The following RBFOX1 variants were observed in gnomAD, a reference collection of about 807,000 sequenced individuals.
The protein encoded by RBFOX1 is RNA binding fox-1 homolog 1.
A neutral mutation model predicts 57.7 loss-of-function variants in RBFOX1; 8 were observed. The ratio of observed to expected loss-of-function variants is 0.14; its 90% CI spans 0.08 to 0.25. The LOEUF is 0.25. Among genes scored for constraint, RBFOX1 ranks in the 10% least tolerant of loss-of-function variants. The probability of loss-of-function intolerance (pLI) is 1.00; values close to 1 mark genes in which losing one functional copy is unlikely to be tolerated. For missense variants in RBFOX1, 611 were observed against 548.5 expected (o/e 1.11, Z -1.14); for synonymous variants, 326 against 222.4 (o/e 1.47, Z -4.15).
intron 3 of RBFOX1, among the ~76,000 whole-genome samples, chr16:5,780,021 C>G (rs143485931): frequency 1.3e-5 from 2 of 152,300 alleles, no homozygotes; most frequent in African/African-American, 2.4e-5. Context: ...TTGTTATTTT[C>G]AAGACGGAGT....
At chr16:7,403,196 C>T (rs1204898751) in intron 4 of RBFOX1, among the ~76,000 whole-genome samples, 3 of 152,092 alleles carry the variant, frequency 2.0e-5, no homozygotes, top group Non-Finnish European at 4.4e-5. Flanking sequence ...ACTCTGAATC[C>T]AGTGAAGGTA....
chr16:7,659,287 A>G (rs1212674480), intron 12 of RBFOX1, among the ~76,000 whole-genome samples: 1 of 152,232 alleles, frequency 6.6e-6, no homozygotes, highest in Non-Finnish European at 1.5e-5. Context: ...AAATGTTTTC[A>G]CGTTAAGTCC....
intron 1 of RBFOX1, among the ~76,000 whole-genome samples, chr16:6,066,075 C>T (rs913660519): frequency 8.6e-5 from 13 of 152,016 alleles, no homozygotes; most frequent in African/African-American, 2.9e-4. Context: ...GAGGGTGGAT[C>T]ATGAGGTTAG....
At chr16:6,748,170 G>T (rs2074168815) in intron 3 of RBFOX1, among the ~76,000 whole-genome samples, 1 of 151,888 alleles carries the variant, frequency 6.6e-6, no homozygotes. Flanking sequence ...CATCTCGTTA[G>T]GCAATAAATG....
intron 3 of RBFOX1, among the ~76,000 whole-genome samples, chr16:6,719,868 G>A (rs928005636): frequency 2.6e-5 from 4 of 151,874 alleles, no homozygotes; most frequent in East Asian, 2.0e-4. Context: ...CTGGGCGGGC[G>A]GATCACCTGA....
At chr16:5,302,290 A>G (rs1464062889) in intron 1 of RBFOX1, among the ~76,000 whole-genome samples, 1 of 152,186 alleles carries the variant, frequency 6.6e-6, no homozygotes, top group African/African-American at 2.4e-5. Flanking sequence ...GTTGTCAGAG[A>G]AATCATTTTT....
intron 1 of RBFOX1, among the ~76,000 whole-genome samples, chr16:6,025,216 C>A (rs2095166349): frequency 1.3e-5 from 2 of 152,204 alleles, no homozygotes; most frequent in African/African-American, 2.4e-5. Flanking sequence ...AGTTTCAATT[C>A]ATTTCTATGA....
chr16:7,507,809 C>A (rs1344989007), intron 4 of RBFOX1, among the ~76,000 whole-genome samples: 3 of 151,970 alleles, frequency 2.0e-5, no homozygotes, highest in African/African-American at 7.2e-5. Context: ...GTGATCCGCC[C>A]GCCTCGGTCT....
In RBFOX1 at chr16:5,342,017, A is replaced by G. The variant is rs185240306; in HGVS notation, c.219+101912A>G. On this transcript the variant is annotated intron_variant, in intron 1 of 2. Transcript: ENST00000585867. The stretch of plus-strand genomic sequence containing the variant: ...AGTTTGTTCCCCTCCTTCTGCATGG[A>G]AAAAAGAGTCAGTGGTGGGACAATG... Among the ~76,000 whole-genome samples, 539 of 152,290 alleles carry G rather than the reference A, an allele frequency of 3.5e-3. 2 individuals carry two copies. Among genetic ancestry groups the G allele is most frequent in the African/African-American group, 0.013 (520 of 41,566 alleles).
chr16:6,930,070 G>C lies in RBFOX1; in HGVS notation c.-15-121987G>C, dbSNP rs75412057. On this transcript the variant is annotated intron_variant, in intron 3 of 15. Transcript: ENST00000550418. The stretch of plus-strand genomic sequence containing the variant: ...CTCTCTCCCATAGCAAACCAGCCCT[G>C]CTGGTTATGCTGGTTTACTCGGCCT... 7.9e-3 allele frequency among the ~76,000 whole-genome samples: 1,203 copies of C among 152,266 alleles called. 15 individuals carry two copies. The highest frequency in any genetic ancestry group is 0.027 in the African/African-American group (1,106 of 41,556).
intron 3 of RBFOX1, among the ~76,000 whole-genome samples, chr16:5,782,820 T>C (rs1481748743): frequency 6.6e-6 from 1 of 152,192 alleles, no homozygotes; most frequent in Non-Finnish European, 1.5e-5. Context: ...AAGCTGATGT[T>C]GTAAATCCCA....
chr16:5,959,538 T>G (rs947986795), intron 4 of RBFOX1, among the ~76,000 whole-genome samples: 1 of 152,100 alleles, frequency 6.6e-6, no homozygotes, highest in Non-Finnish European at 1.5e-5. Context: ...GAAATTTGTA[T>G]AAAAGTCCAA....
chr16:7,369,349 C>G (rs1194160396), intron 4 of RBFOX1, among the ~76,000 whole-genome samples: 2 of 152,108 alleles, frequency 1.3e-5, no homozygotes, highest in African/African-American at 2.4e-5. Flanking sequence ...AGTGGAGGCC[C>G]TAGCAAGAAG....
At chr16:6,083,302 C>G (rs1027235794) in intron 1 of RBFOX1, among the ~76,000 whole-genome samples, 1 of 152,016 alleles carries the variant, frequency 6.6e-6, no homozygotes, top group Non-Finnish European at 1.5e-5. Flanking sequence ...TGCTCCCAGC[C>G]CAAATGTTTT....
rs866907887 is a variant in RBFOX1 at position 5,867,587 on chromosome 16, C to G, written c.351+252C>G. ...TTCAGCGTCTGTTTCTTGACAGATA[C>G]ATCATAATTCTAGCCCAGCTCAGAC... On this transcript the variant is annotated intron_variant, in intron 4 of 19. Transcript: ENST00000641259. 2.0e-5 allele frequency among the ~76,000 whole-genome samples: 3 copies of G among 152,182 alleles called. No individual in the cohort carries two copies. In the South Asian group the frequency reaches 6.2e-4, roughly 32 times the overall value.
chr16:5,263,775 G>T (rs190046617), intron 1 of RBFOX1, among the ~76,000 whole-genome samples: 1 of 152,278 alleles, frequency 6.6e-6, no homozygotes, highest in African/African-American at 2.4e-5. Context: ...CTAGGGATGG[G>T]TTTGGGGGTC....
At chr16:6,438,624 A>G (rs1174007192) in intron 2 of RBFOX1, among the ~76,000 whole-genome samples, 1 of 152,126 alleles carries the variant, frequency 6.6e-6, no homozygotes, top group Non-Finnish European at 1.5e-5. Flanking sequence ...CTCTAGCTAT[A>G]ACTTATTTGA....
At chr16:7,218,036 C>T (rs530933101) in intron 4 of RBFOX1, among the ~76,000 whole-genome samples, 58 of 150,064 alleles carry the variant, frequency 3.9e-4, no homozygotes, top group African/African-American at 8.4e-4. Context: ...TGTGTGCGCG[C>T]GTGTGCGTGC....
intron 3 of RBFOX1, among the ~76,000 whole-genome samples, chr16:6,749,435 C>G (rs942945652): frequency 3.3e-5 from 5 of 152,178 alleles, no homozygotes; most frequent in Admixed American, 6.5e-5. Context: ...TACGGTCACT[C>G]AGGCAATTTA....
Sources: gnomAD v4.1 joint callset for allele counts (sites outside exome capture counted in the v4.1 genomes callset) on GRCh38, gnomAD v4.1.1 for gene constraint, MANE v1.5 for transcripts, NCBI Gene and HGNC (gene_info 2026-07-23, HGNC 2026-07-21) for gene names.